The following RNF141 variants were observed in gnomAD, a reference collection of about 807,000 sequenced individuals.
The protein encoded by RNF141 is C3HC4-like zinc finger protein.
Under a neutral mutation model 27.4 loss-of-function variants are expected in RNF141, and 18 were observed. That is an observed-to-expected ratio of 0.66 (90% CI 0.45 to 0.97). The LOEUF is 0.97. RNF141 is among the 50% of genes least tolerant of loss of function. The pLI, the probability that RNF141 is intolerant of heterozygous loss-of-function variation, is 0.00. For missense variants in RNF141, 230 were observed against 279.4 expected (o/e 0.82, Z 1.26); for synonymous variants, 97 against 96.6 (o/e 1.00, Z -0.02).
chr11:10,519,973 G>A (rs1200880680), intron 4 of RNF141, among the ~76,000 whole-genome samples: 2 of 152,210 alleles, frequency 1.3e-5, no homozygotes, highest in Middle Eastern at 3.4e-3. Context: ...AATATCTGAT[G>A]AGCTAAAAAA....
chr11:10,521,506 C>G (rs1161507946), intron 4 of RNF141, among the ~76,000 whole-genome samples: 2 of 152,186 alleles, frequency 1.3e-5, no homozygotes, highest in African/African-American at 4.8e-5. Context: ...AGACTATAAA[C>G]TTCTTAAGGA....
At chr11:10,522,804 A>T (rs1014428630) in intron 4 of RNF141, among the ~76,000 whole-genome samples, 1 of 152,210 alleles carries the variant, frequency 6.6e-6, no homozygotes, top group Admixed American at 6.5e-5. Context: ...TGAGCATCTT[A>T]TGTCTTTTAA....
At chr11:10,533,574 C>T (rs1397675960) in intron 2 of RNF141, among the ~76,000 whole-genome samples, 1 of 151,660 alleles carries the variant, frequency 6.6e-6, no homozygotes, top group African/African-American at 2.4e-5. Flanking sequence ...TGTCTATATA[C>T]ACACACACAT....
chr11:10,521,426 G>C (rs1849886904), intron 4 of RNF141, among the ~76,000 whole-genome samples: 1 of 152,066 alleles, frequency 6.6e-6, no homozygotes, highest in South Asian at 2.1e-4. Flanking sequence ...TAATTTTTAA[G>C]GTTTTCTTCA....
chr11:10,539,993 G>A (rs1701386646), intron 1 of RNF141, among the ~76,000 whole-genome samples: 1 of 151,880 alleles, frequency 6.6e-6, no homozygotes, highest in African/African-American at 2.4e-5. Flanking sequence ...TTGAGAAAAA[G>A]TTCTAGAAAC....
chr11:10,520,194 G>A (rs916026687), intron 4 of RNF141, among the ~76,000 whole-genome samples: 1 of 152,116 alleles, frequency 6.6e-6, no homozygotes, highest in Non-Finnish European at 1.5e-5. Context: ...TTTCTTCAAT[G>A]ATAAATTAAT....
intron 4 of RNF141, among the ~76,000 whole-genome samples, chr11:10,522,863 TAGA>T (rs753804822): frequency 5.3e-5 from 8 of 152,318 alleles, no homozygotes; most frequent in South Asian, 4.1e-4. Context: ...CAACCTCTGT[TAGA>T]AGATGAGGAA....
At chr11:10,517,740 C>T (rs942454635) in intron 5 of RNF141, 5 of 152,002 alleles carry the variant, frequency 3.3e-5, no homozygotes, top group Admixed American at 3.3e-4. Context: ...ACTCTCAAGT[C>T]TAGAATTCTG....
At chr11:10,530,553 T>C in intron 3 of RNF141, 90 bp downstream of exon 3, 4 of 599,962 alleles carry the variant, frequency 6.7e-6, no homozygotes, top group Non-Finnish European at 2.9e-6. Flanking sequence ...TATTAAAATG[T>C]ATATGCATTA....
At chr11:10,521,845 A>C (rs1174469175) in intron 4 of RNF141, among the ~76,000 whole-genome samples, 1 of 152,208 alleles carries the variant, frequency 6.6e-6, no homozygotes, top group Non-Finnish European at 1.5e-5. Context: ...AAAACTGAGG[A>C]AAAAGATTGA....
At chr11:10,531,218 T>C (rs1257471294) in intron 2 of RNF141, among the ~76,000 whole-genome samples, 2 of 151,846 alleles carry the variant, frequency 1.3e-5, no homozygotes, top group East Asian at 1.9e-4. Context: ...CTACTAAAAA[T>C]ACAAAAATTA....
At chr11:10,527,614 G>A (rs1402489880) in intron 3 of RNF141, among the ~76,000 whole-genome samples, 2 of 150,254 alleles carry the variant, frequency 1.3e-5, no homozygotes, top group African/African-American at 4.9e-5. Flanking sequence ...AGTAATAACT[G>A]TAGCTTTGAT....
chr11:10,515,138 C>A, intron 5 of RNF141, 72 bp from the exon 6 acceptor site: 1 of 1,467,792 alleles, frequency 6.8e-7, no homozygotes, highest in Non-Finnish European at 9.2e-7. Flanking sequence ...TAAAGTAATA[C>A]ATGCACATGG....
At chr11:10,519,406 G>A (rs1043050608) in intron 4 of RNF141, among the ~76,000 whole-genome samples, 1 of 152,140 alleles carries the variant, frequency 6.6e-6, no homozygotes, top group African/African-American at 2.4e-5. Flanking sequence ...GGCAAAAGTG[G>A]AAATAGTCAA....
rs1312748056 is a variant in RNF141 at position 10,512,690 on chromosome 11, A to C, written c.*2226T>G. The C allele has an allele frequency of 6.6e-6, 1 of 151,938 alleles. No individual in the cohort carries two copies. Among genetic ancestry groups the C allele is most frequent in the Non-Finnish European group, 1.5e-5 (1 of 67,976 alleles). The allele number at this position is 151,938 out of a possible 1,614,324, so 9.4% of individuals were successfully genotyped here. A position where few individuals can be genotyped will look rare whatever the true frequency, so the allele number is the denominator to read the frequency against. ...GATCATCTATCCCAAGGTTTTCAAA[A>C]TATGTTCCATGGAATACTAAGAATC... On this transcript the variant is annotated 3_prime_UTR_variant, in exon 6 of 6. Transcript: ENST00000265981.
At chr11:10,539,701 A>ATATATATATCTATATAT (rs10524171) in intron 1 of RNF141, among the ~76,000 whole-genome samples, 1 of 31,476 alleles carries the variant, frequency 3.2e-5, no homozygotes, top group East Asian at 8.9e-4. Context: ...CATATATATT[A>ATATATATATCTATATAT]GAGAGAGAAG....
intron 5 of RNF141, chr11:10,518,202 A>G (rs1849857779): frequency 6.6e-6 from 1 of 152,212 alleles, no homozygotes; most frequent in African/African-American, 2.4e-5. Context: ...TTAAAAAGTT[A>G]AACACACACA....
chr11:10,517,557 A>G (rs974476272), intron 5 of RNF141: 1 of 152,158 alleles, frequency 6.6e-6, no homozygotes, highest in African/African-American at 2.4e-5. Flanking sequence ...AACTACTCTA[A>G]GGCACATCAT....
intron 4 of RNF141, among the ~76,000 whole-genome samples, chr11:10,522,856 C>A (rs1444657121): frequency 6.6e-6 from 1 of 152,162 alleles, no homozygotes; most frequent in Non-Finnish European, 1.5e-5. Context: ...CAGTTATCAA[C>A]CTCTGTTAGA....
Sources: gnomAD v4.1 joint callset for allele counts (sites outside exome capture counted in the v4.1 genomes callset) on GRCh38, gnomAD v4.1.1 for gene constraint, MANE v1.5 for transcripts, NCBI Gene and HGNC (gene_info 2026-07-23, HGNC 2026-07-21) for gene names.